The following SART3 variants were observed in gnomAD, a reference collection of about 807,000 sequenced individuals.
SART3 encodes the protein HIV-1 Tat-interacting protein of 110kDa.
SART3 carries 44 observed loss-of-function variants against 122.3 expected under a neutral mutation model. That is an observed-to-expected ratio of 0.36 (90% CI 0.28 to 0.46). The LOEUF (loss-of-function observed/expected upper bound fraction) is 0.46, where lower values mean the gene tolerates loss of function less well. Ranked by LOEUF, SART3 falls within the 20% of genes least tolerant of loss-of-function variation. SART3 has a pLI of 1.00. For synonymous variants in SART3, 442 were observed against 454.0 expected, an observed-to-expected ratio of 0.97 and a Z score of 0.34; for missense variants, 1,101 against 1,229.0, an observed-to-expected ratio of 0.90 and a Z score of 1.56.
rs547708299 is a variant in SART3, at chr12:108,537,754, T to A, written c.1202-159A>T. ...CAGGAATGTTGAAGACAGAAGTTGC[T>A]ACAGCACTCTACAGACTGTGTTCTA... On this transcript the variant is annotated intron_variant, in intron 8 of 18. Coordinates refer to ENST00000546815, the MANE Select transcript of SART3 (RefSeq NM_014706.4). 15 of 703,024 alleles carry A rather than the reference T, an allele frequency of 2.1e-5. No individual in the cohort carries two copies. The East Asian group carries it at 3.2e-4, about 15-fold the overall frequency. 43.5% of individuals were successfully genotyped at this position (703,024 alleles called of 1,614,324 possible).
At position 108,545,037 on chromosome 12, in the gene SART3, T is replaced by C; in HGVS notation, c.729+102A>G. 3.3e-6 allele frequency: 4 copies of C among 1,207,516 alleles called. No homozygotes were observed. In the African/African-American group the frequency reaches 4.5e-5, roughly 14 times the overall value. 74.8% of individuals were successfully genotyped at this position (1,207,516 alleles called of 1,614,324 possible). A position where few individuals can be genotyped will look rare whatever the true frequency, so the allele number is the denominator to read the frequency against. On this transcript the variant is annotated intron_variant, in intron 4 of 18. Coordinates refer to ENST00000546815, the MANE Select transcript of SART3 (RefSeq NM_014706.4). ...GGCAAAGACCATTTTGTTAACTATA[T>C]GAACTGCAAGATTCATCATGGACAT...
chr12:108,539,561 G>A (rs1483142979), intron 6 of SART3, among the ~76,000 whole-genome samples: 2 of 152,214 alleles, frequency 1.3e-5, no homozygotes, highest in Non-Finnish European at 2.9e-5. Context: ...AGAAGATGAA[G>A]GCAGCTGTGC....
chr12:108,544,595 T>C, intron 4 of SART3, 117 bp from the exon 5 acceptor site: 2 of 1,435,560 alleles, frequency 1.4e-6, no homozygotes, highest in South Asian at 2.3e-5. Context: ...TTGAGAAGGG[T>C]TCTTGCTGTC....
chr12:108,552,974 G>A (rs2030070709), intron 1 of SART3, among the ~76,000 whole-genome samples: 1 of 152,144 alleles, frequency 6.6e-6, no homozygotes, highest in Admixed American at 6.5e-5. Flanking sequence ...AAGGCAGTGT[G>A]AGAATGGCAG....
chr12:108,555,824 C>A (rs984350407), intron 1 of SART3, among the ~76,000 whole-genome samples: 1 of 151,964 alleles, frequency 6.6e-6, no homozygotes, highest in Non-Finnish European at 1.5e-5. Context: ...CAGACCTTGA[C>A]AAAATAATTC....
At chr12:108,548,033 G>T in intron 2 of SART3, 42 bp from the exon 3 acceptor site, 1 of 1,539,374 alleles carries the variant, frequency 6.5e-7, no homozygotes, top group Non-Finnish European at 8.9e-7. Flanking sequence ...CCAAAGGGTA[G>T]GCTAAGCGCA....
In SART3 at chr12:108,536,793, A is replaced by G. The variant is rs1392922368; in HGVS notation, c.1310-8T>C. 1 of 1,613,338 alleles carries G rather than the reference A, an allele frequency of 6.2e-7. No homozygotes were observed. Among genetic ancestry groups the G allele is most frequent in the African/African-American group, 1.3e-5 (1 of 75,014 alleles). On this transcript the variant is annotated splice_polypyrimidine_tract_variant and splice_region_variant and intron_variant, in intron 9 of 18. Coordinates refer to ENST00000546815, the MANE Select transcript of SART3 (RefSeq NM_014706.4). ...CCAGCTCTTTACTGGAGTCTAACGGAAAGTGCAAAAAAAGGCTTTAGGAAA... is the reference window on the plus strand; with the variant it reads ...CCAGCTCTTTACTGGAGTCTAACGGGAAGTGCAAAAAAAGGCTTTAGGAAA...
intron 18 of SART3, 44 bp from the exon 19 acceptor site, chr12:108,523,678 G>A (rs774446282): frequency 3.0e-5 from 46 of 1,545,322 alleles, no homozygotes; most frequent in South Asian, 1.8e-4. Flanking sequence ...GCAACAATTC[G>A]TGGCCCCTCA....
intron 13 of SART3, chr12:108,531,826 C>A (rs1872687712): frequency 3.1e-6 from 1 of 324,898 alleles, no homozygotes; most frequent in African/African-American, 2.1e-5. Flanking sequence ...AGCACAGTGA[C>A]TCTCAAAGGA....
intron 1 of SART3, among the ~76,000 whole-genome samples, chr12:108,557,211 T>G (rs971224471): frequency 1.4e-5 from 2 of 140,704 alleles, no homozygotes; most frequent in Non-Finnish European, 3.1e-5. Context: ...ACATAGTTTT[T>G]TTTTTTTTTT....
intron 3 of SART3, among the ~76,000 whole-genome samples, chr12:108,546,722 T>C (rs774744744): frequency 1.3e-5 from 2 of 151,976 alleles, no homozygotes; most frequent in African/African-American, 2.4e-5. Flanking sequence ...GTTTTCCCCA[T>C]GTTGGGCAGG....
chr12:108,530,082 TATTCGCAACTTCTCTAACTTTA>T, intron 15 of SART3, 38 bp downstream of exon 15: 1 of 1,584,812 alleles, frequency 6.3e-7, no homozygotes. Flanking sequence ...CTTCATACTG[TATTCGCAACTTCTCTAACTTTA>T]AGACGTTTCA....
At chr12:108,545,501 G>A (rs1348734902) in intron 3 of SART3, among the ~76,000 whole-genome samples, 178 bp from the exon 4 acceptor site, 4 of 152,178 alleles carry the variant, frequency 2.6e-5, no homozygotes, top group Non-Finnish European at 4.4e-5. Flanking sequence ...GTCTGGGGAA[G>A]ACCATAGATC....
At chr12:108,538,754 T>C (rs1873023390) in intron 7 of SART3, among the ~76,000 whole-genome samples, 180 bp downstream of exon 7, 1 of 152,230 alleles carries the variant, frequency 6.6e-6, no homozygotes, top group Admixed American at 6.5e-5. Flanking sequence ...TTACAGTTAG[T>C]GACCATTTTT....
At chr12:108,538,508 T>C (rs1873014105) in intron 7 of SART3, among the ~76,000 whole-genome samples, 3 of 152,140 alleles carry the variant, frequency 2.0e-5, no homozygotes, top group Non-Finnish European at 2.9e-5. Context: ...ACCAACGAAA[T>C]ATCATTTCTG....
intron 15 of SART3, among the ~76,000 whole-genome samples, chr12:108,529,290 T>C (rs1872538568): frequency 6.6e-6 from 1 of 152,088 alleles, no homozygotes; most frequent in Non-Finnish European, 1.5e-5. Flanking sequence ...TGTGTACACA[T>C]GCACACGCAC....
intron 6 of SART3, among the ~76,000 whole-genome samples, chr12:108,541,326 G>C (rs748422993): frequency 3.6e-4 from 54 of 151,990 alleles, no homozygotes; most frequent in Non-Finnish European, 7.4e-4. Context: ...AGAATCGCTT[G>C]AACCTGGCGG....
chr12:108,555,358 C>T (rs545931628), intron 1 of SART3, among the ~76,000 whole-genome samples: 13 of 152,210 alleles, frequency 8.5e-5, no homozygotes, highest in African/African-American at 2.4e-4. Flanking sequence ...TGTTTTTAAA[C>T]TTGATTGAAA....
At chr12:108,537,994 A>G in intron 8 of SART3, 71 bp downstream of exon 8, 1 of 1,595,250 alleles carries the variant, frequency 6.3e-7, no homozygotes, top group South Asian at 1.1e-5. Flanking sequence ...TGATGTAATG[A>G]CTTTGTCACC....
Sources: allele counts gnomAD v4.1 joint callset (sites outside exome capture counted in the v4.1 genomes callset), GRCh38; gene constraint gnomAD v4.1.1; transcripts MANE v1.5; gene names NCBI Gene and HGNC (gene_info 2026-07-23, HGNC 2026-07-21).